Variants in HPX observed in about 807,000 individuals in gnomAD.
The protein encoded by HPX is hemopexin.
In HPX, 42 loss-of-function variants were observed where a neutral mutation model predicts 53.8. That is an observed-to-expected ratio of 0.78 (90% confidence interval 0.61 to 1.01). The LOEUF (loss-of-function observed/expected upper bound fraction) is 1.01. Ranked by LOEUF, HPX falls within the 50% of genes least tolerant of loss-of-function variation. The pLI, the probability that HPX is intolerant of heterozygous loss-of-function variation, is 0.00. For synonymous variants in HPX, 229 were observed against 221.1 expected (o/e 1.04, Z -0.32); for missense variants, 547 against 594.3 (o/e 0.92, Z 0.83).
Position 6,440,493 on chromosome 11 carries a change from T to C in HPX, c.188A>G (p.Asp63Gly), listed in dbSNP as rs1253165009. Residue 63 changes from aspartate to glycine, a missense_variant, in exon 3 of 10, where the codon GAC becomes GGC. Coordinates refer to ENST00000265983, the MANE Select transcript of HPX (RefSeq NM_000613.3). ...TTTAAAAAACAGCATGGTTCCATTG[T>C]CATCCAGGGTGGTAGCATCAAAGCT... ...GWSFDATTLD[D>G]NGTMLFFKGE... 6.2e-7 allele frequency: 1 copy of C among 1,605,994 alleles called. No individual in the cohort carries two copies. The highest frequency in any genetic ancestry group is 2.2e-5 in the East Asian group (1 of 44,572).
intron 3 of HPX, 32 bp from the exon 4 acceptor site, chr11:6,440,318 G>C (rs1350223288): frequency 6.8e-6 from 11 of 1,613,044 alleles, no homozygotes; most frequent in African/African-American, 5.3e-5. Flanking sequence ...GAGGGGCCCA[G>C]TGAGAAACCT....
chr11:6,436,220 C>A lies in HPX; in HGVS notation c.835+826G>T, dbSNP rs118066985. 6.4e-3 allele frequency among the ~76,000 whole-genome samples: 967 copies of A among 152,196 alleles called. 5 individuals are homozygous for A. Among genetic ancestry groups the A allele is most frequent in the Middle Eastern group, 0.034 (10 of 294 alleles). ...GATAGTCATAACTGGTCAAATTTGT[C>A]CAAGGGTCAGGAGCCAAAAAAATTT... On this transcript the variant is annotated intron_variant, in intron 7 of 9. Coordinates refer to ENST00000265983, the MANE Select transcript of HPX (RefSeq NM_000613.3).
chr11:6,433,298 TC>T (rs200073273), intron 7 of HPX, among the ~76,000 whole-genome samples: 3,195 of 152,312 alleles, frequency 0.021, 43 homozygotes, highest in Middle Eastern at 0.048. Flanking sequence ...TGCCTCAGCC[TC>T]CCAAGTAGGC....
intron 7 of HPX, among the ~76,000 whole-genome samples, chr11:6,435,557 C>T (rs527505704): frequency 2.6e-5 from 4 of 152,038 alleles, no homozygotes; most frequent in Non-Finnish European, 4.4e-5. Flanking sequence ...CTCGACCTTC[C>T]GGGCTCAGCC....
At chr11:6,434,091 C>G (rs947607538) in intron 7 of HPX, among the ~76,000 whole-genome samples, 29 of 152,334 alleles carry the variant, frequency 1.9e-4, no homozygotes, top group African/African-American at 6.7e-4. Flanking sequence ...TTTAGCAGAG[C>G]CTGTCAGGGC....
intron 9 of HPX, 52 bp from the exon 10 acceptor site, chr11:6,431,522 A>T: frequency 6.2e-7 from 1 of 1,610,568 alleles, no homozygotes; most frequent in Non-Finnish European, 8.5e-7. Flanking sequence ...GGGGATCCTG[A>T]CCTAGGCCTT....
chr11:6,437,065 A>C lies in HPX; in HGVS notation c.816T>G (p.Gly272=), dbSNP rs559686749. 1 of 1,614,126 alleles carries C rather than the reference A, an allele frequency of 6.2e-7. No individual in the cohort carries two copies. The highest frequency in any genetic ancestry group is 2.2e-5 in the East Asian group (1 of 44,880). Residue 272 remains glycine, a synonymous_variant, in exon 7 of 10, where the codon GGT becomes GGG. Transcript: ENST00000265983. ...TCTCACCACTGAAGGCATAGGTGGC[A>C]CCATGGTTGTCAGACGTCAGTGCAG... The part of the protein sequence containing the change: ...VLSALTSDNH[G]ATYAFSGTHY...
chr11:6,439,150 G>A (rs1849453846), intron 4 of HPX, among the ~76,000 whole-genome samples: 1 of 152,222 alleles, frequency 6.6e-6, no homozygotes, highest in African/African-American at 2.4e-5. Context: ...AGGTTGACAA[G>A]TGAGGAAAGG....
At chr11:6,435,784 C>T (rs1181139879) in intron 7 of HPX, among the ~76,000 whole-genome samples, 1 of 152,224 alleles carries the variant, frequency 6.6e-6, no homozygotes, top group Admixed American at 6.5e-5. Flanking sequence ...GGTGTTCTCT[C>T]CATGCTGTGG....
chr11:6,431,558 G>C (rs184506437), intron 9 of HPX, 83 bp downstream of exon 9: 19 of 1,606,748 alleles, frequency 1.2e-5, no homozygotes, highest in Middle Eastern at 2.1e-4. Context: ...TCCTGACCTA[G>C]GCCTTCTCAT....
At chr11:6,434,497 T>C (rs1452076151) in intron 7 of HPX, among the ~76,000 whole-genome samples, 2 of 151,834 alleles carry the variant, frequency 1.3e-5, no homozygotes, top group African/African-American at 4.8e-5. Flanking sequence ...ACCTGGCTAA[T>C]TTTTTGTATT....
rs553833832 is a variant in HPX at position 6,440,958 on chromosome 11, A to G, written c.6T>C (p.Ala2=). The G allele has an allele frequency of 1.2e-6, 2 of 1,602,458 alleles. No homozygotes were observed. The highest frequency in any genetic ancestry group is 2.2e-5 in the South Asian group (2 of 89,392). M[A]RVLGAPVALG... ...GTGCAACGGGTGCTCCCAGTACCCT[A>G]GCCATGCTGAGCTGCAGAGGCCACA... The change falls in exon 1 of 10, where the codon GCT becomes GCC. Residue 2 remains alanine (A), a synonymous_variant. Coordinates refer to ENST00000265983, the MANE Select transcript of HPX (RefSeq NM_000613.3).
chr11:6,439,838 C>T (rs1590806223), intron 4 of HPX: 2 of 371,288 alleles, frequency 5.4e-6, no homozygotes, highest in African/African-American at 4.2e-5. Context: ...AACAACTTGC[C>T]TTGCCCTATG....
chr11:6,438,569 T>A, intron 4 of HPX, 60 bp from the exon 5 acceptor site: 1 of 1,482,586 alleles, frequency 6.7e-7, no homozygotes, highest in Non-Finnish European at 9.4e-7. Context: ...ACTCTGCATT[T>A]ACACACATTT....
At chr11:6,435,961 C>G (rs1849410445) in intron 7 of HPX, among the ~76,000 whole-genome samples, 1 of 148,956 alleles carries the variant, frequency 6.7e-6, no homozygotes, top group South Asian at 2.1e-4. Context: ...CTCTCACTCA[C>G]TCTCTCTCTC....
intron 4 of HPX, chr11:6,439,583 C>T (rs773151041): frequency 5.9e-6 from 1 of 169,324 alleles, no homozygotes; most frequent in Non-Finnish European, 1.3e-5. Context: ...TAGGATGGAT[C>T]CCCAAGGAAC....
chr11:6,432,819 T>C (rs907614168), intron 7 of HPX, among the ~76,000 whole-genome samples: 1 of 152,212 alleles, frequency 6.6e-6, no homozygotes, highest in Non-Finnish European at 1.5e-5. Flanking sequence ...AATCCCCTAC[T>C]TTGGGCCTCT....
intron 5 of HPX, chr11:6,437,968 G>A: frequency 3.8e-6 from 2 of 527,708 alleles, no homozygotes; most frequent in Non-Finnish European, 6.8e-6. Context: ...CCAAAGCATG[G>A]AGCAAACTGA....
intron 7 of HPX, among the ~76,000 whole-genome samples, chr11:6,434,104 G>A (rs1849386256): frequency 6.6e-6 from 1 of 152,132 alleles, no homozygotes; most frequent in Non-Finnish European, 1.5e-5. Context: ...GTCAGGGCAG[G>A]CATCTTGTCT....
Sources: allele counts gnomAD v4.1 joint callset (sites outside exome capture counted in the v4.1 genomes callset), GRCh38; gene constraint gnomAD v4.1.1; transcripts MANE v1.5; gene names NCBI Gene and HGNC (gene_info 2026-07-23, HGNC 2026-07-21).